ITGA9: variants seen among roughly 807,000 people sequenced by gnomAD.
The protein encoded by ITGA9 is integrin subunit alpha 9.
Under a neutral mutation model 127.8 loss-of-function variants are expected in ITGA9, and 56 were observed. That is an observed-to-expected ratio of 0.44 (90% CI 0.35 to 0.55). The LOEUF (loss-of-function observed/expected upper bound fraction) is 0.55. Among genes scored for constraint, ITGA9 ranks in the 20% least tolerant of loss-of-function variants. ITGA9 has a pLI of 0.00. For missense variants in ITGA9, 1,196 were observed against 1,347.1 expected, an observed-to-expected ratio of 0.89 and a Z score of 1.76; for synonymous variants, 508 against 514.5, an observed-to-expected ratio of 0.99 and a Z score of 0.17.
chr3:37,526,113 G>T, intron 13 of ITGA9, 42 bp downstream of exon 13: 1 of 1,558,458 alleles, frequency 6.4e-7, no homozygotes, highest in Admixed American at 1.7e-5. Context: ...TGCTGTTCAG[G>T]GTGAGGGATG....
intron 23 of ITGA9, among the ~76,000 whole-genome samples, chr3:37,774,318 C>T (rs79894805): frequency 4.6e-5 from 7 of 152,180 alleles, no homozygotes; most frequent in South Asian, 2.1e-4. Context: ...GTTTCCCTCT[C>T]GTGACCTCTA....
intron 17 of ITGA9, among the ~76,000 whole-genome samples, chr3:37,662,607 A>G (rs1051763645): frequency 1.3e-5 from 2 of 152,038 alleles, no homozygotes; most frequent in African/African-American, 4.8e-5. Flanking sequence ...CCTTCATCTC[A>G]GTGCAGGAGC....
chr3:37,541,296 G>A (rs1408142959), intron 14 of ITGA9, among the ~76,000 whole-genome samples: 2 of 152,148 alleles, frequency 1.3e-5, no homozygotes, highest in Admixed American at 1.3e-4. Context: ...TCATTCCAGG[G>A]ACAGAGATTC....
chr3:37,706,997 C>G (rs59581339), intron 18 of ITGA9, among the ~76,000 whole-genome samples: 12,006 of 152,216 alleles, frequency 0.079, 632 homozygotes, highest in East Asian at 0.11. Flanking sequence ...TCTTTCTGAT[C>G]ACTGTTCTTG....
In ITGA9 at chr3:37,796,879, G is replaced by A. The variant is rs533855483; in HGVS notation, c.2890-6944G>A. Among the ~76,000 whole-genome samples, 25 of 152,284 alleles carry A rather than the reference G, an allele frequency of 1.6e-4. No individual in the cohort carries two copies. The South Asian group carries it at 3.5e-3, about 21-fold the overall frequency. On this transcript the variant is annotated intron_variant, in intron 26 of 27. Coordinates refer to ENST00000264741, the MANE Select transcript of ITGA9 (RefSeq NM_002207.3). ...TACAAATCACAGTTTACTGGAGTCC[G>A]TAGACAGGAAGATTTATCATTACCT... is the stretch of plus-strand genomic sequence containing the variant.
At chr3:37,503,348 G>A in intron 6 of ITGA9, 41 bp downstream of exon 6, 1 of 1,607,086 alleles carries the variant, frequency 6.2e-7, no homozygotes, top group African/African-American at 1.3e-5. Flanking sequence ...AGGGGAAATG[G>A]GAGTGATTCC....
intron 5 of ITGA9, among the ~76,000 whole-genome samples, chr3:37,502,014 T>C (rs1698791641): frequency 6.6e-6 from 1 of 152,178 alleles, no homozygotes; most frequent in South Asian, 2.1e-4. Context: ...GTTGATTGAT[T>C]TCCATTATCG....
At chr3:37,757,789 T>TA (rs918396020) in intron 23 of ITGA9, among the ~76,000 whole-genome samples, 9 of 151,602 alleles carry the variant, frequency 5.9e-5, no homozygotes, top group Non-Finnish European at 1.0e-4. Context: ...ACCTATATCT[T>TA]AAAAAAAATC....
intron 15 of ITGA9, among the ~76,000 whole-genome samples, chr3:37,616,813 C>G (rs1700079392): frequency 6.6e-6 from 1 of 152,138 alleles, no homozygotes; most frequent in African/African-American, 2.4e-5. Context: ...TTTCCGTTTG[C>G]TTGGTAGATC....
At chr3:37,647,641 C>T (rs1334758146) in intron 16 of ITGA9, among the ~76,000 whole-genome samples, 1 of 152,102 alleles carries the variant, frequency 6.6e-6, no homozygotes, top group Non-Finnish European at 1.5e-5. Context: ...TACCCCCTCC[C>T]CGACCCCTGG....
chr3:37,565,611 A>T (rs1575151892), intron 15 of ITGA9, among the ~76,000 whole-genome samples: 2 of 152,198 alleles, frequency 1.3e-5, no homozygotes, highest in Non-Finnish European at 2.9e-5. Flanking sequence ...CTGGAGGTGG[A>T]TGGTGGTGAT....
intron 18 of ITGA9, among the ~76,000 whole-genome samples, chr3:37,702,360 T>G (rs1046984253): frequency 6.6e-6 from 1 of 152,210 alleles, no homozygotes; most frequent in Non-Finnish European, 1.5e-5. Flanking sequence ...GATGAAGATT[T>G]GCCTTCATCC....
At chr3:37,596,271 A>ACCCTT (rs1559545127) in intron 15 of ITGA9, among the ~76,000 whole-genome samples, 1 of 49,488 alleles carries the variant, frequency 2.0e-5, no homozygotes, top group Non-Finnish European at 5.7e-5. Flanking sequence ...TTGAAAAGAG[A>ACCCTT]AAGGCTACAA....
Position 37,736,918 on chromosome 3 carries a change from G to A in ITGA9, c.2169G>A (p.Val723=). ...TTTTTCACTAGTATGAATTCAGCGT[G>A]ATCTTTGATACAAGCCACCTGTCTG... The part of the protein sequence containing the change: ...MRSKSKYEFS[V]IFDTSHLSGE... Residue 723 remains valine (V), a synonymous_variant, in exon 20 of 28, where the codon GTG becomes GTA. Transcript: ENST00000264741. The A allele has an allele frequency of 6.2e-7, 1 of 1,612,848 alleles. No individual in the cohort carries two copies. Among genetic ancestry groups the A allele is most frequent in the Non-Finnish European group, 8.5e-7 (1 of 1,178,800 alleles).
chr3:37,510,243 G>T (rs1698888025), intron 8 of ITGA9, among the ~76,000 whole-genome samples: 1 of 152,144 alleles, frequency 6.6e-6, no homozygotes, highest in East Asian at 1.9e-4. Context: ...GGGCTCAAGG[G>T]ATCCACCCAC....
intron 15 of ITGA9, among the ~76,000 whole-genome samples, chr3:37,582,015 G>T (rs1420944665): frequency 1.3e-5 from 2 of 152,138 alleles, no homozygotes; most frequent in Non-Finnish European, 2.9e-5. Flanking sequence ...CAGTTTGGTG[G>T]CAAAATCTCC....
chr3:37,804,473 C>G (rs1044492981), intron 27 of ITGA9, among the ~76,000 whole-genome samples: 1 of 152,212 alleles, frequency 6.6e-6, no homozygotes, highest in African/African-American at 2.4e-5. Flanking sequence ...TCAAGCATCA[C>G]TCTCTCAAGG....
At chr3:37,621,845 C>T (rs918574442) in intron 15 of ITGA9, among the ~76,000 whole-genome samples, 4 of 152,180 alleles carry the variant, frequency 2.6e-5, no homozygotes, top group African/African-American at 9.7e-5. Flanking sequence ...ATTAAAATCT[C>T]TAATCTGATT....
chr3:37,811,393 C>T (rs1365576323), intron 27 of ITGA9, among the ~76,000 whole-genome samples: 13 of 152,164 alleles, frequency 8.5e-5, no homozygotes, highest in South Asian at 2.1e-4. Context: ...GGAGGGATAA[C>T]AACTTTGTGT....
Sources: allele counts gnomAD v4.1 joint callset (sites outside exome capture counted in the v4.1 genomes callset), GRCh38; gene constraint gnomAD v4.1.1; transcripts MANE v1.5; gene names NCBI Gene and HGNC (gene_info 2026-07-23, HGNC 2026-07-21).